PARN: variants seen among roughly 807,000 people sequenced by gnomAD.
PARN encodes poly(A)-specific ribonuclease.
In PARN, 71 loss-of-function variants were observed where a neutral mutation model predicts 102.8. That is an observed-to-expected ratio of 0.69 (90% CI 0.57 to 0.84). The LOEUF is 0.84. Ranked by LOEUF, PARN falls within the 40% of genes least tolerant of loss-of-function variation. The pLI is 0.00. For synonymous variants in PARN, 261 were observed against 252.9 expected, an observed-to-expected ratio of 1.03 and a Z score of -0.30; for missense variants, 782 against 760.9, an observed-to-expected ratio of 1.03 and a Z score of -0.33.
chr16:14,469,473 A>G (rs766986816), intron 22 of PARN, among the ~76,000 whole-genome samples: 1 of 152,242 alleles, frequency 6.6e-6, no homozygotes, highest in Non-Finnish European at 1.5e-5. Flanking sequence ...CAGCAAGCTG[A>G]ATGAAATGAA....
chr16:14,517,622 T>C (rs560469878), intron 21 of PARN, among the ~76,000 whole-genome samples: 2 of 152,368 alleles, frequency 1.3e-5, no homozygotes, highest in East Asian at 3.9e-4. Flanking sequence ...TATGCTTATA[T>C]GCTAAAAAAC....
chr16:14,528,578 C>T (rs542901793), intron 21 of PARN, among the ~76,000 whole-genome samples: 2 of 152,196 alleles, frequency 1.3e-5, no homozygotes, highest in Non-Finnish European at 2.9e-5. Flanking sequence ...ACAAACTTGA[C>T]TCTGTGATAT....
chr16:14,530,109 C>T lies in PARN; in HGVS notation c.1480+21912G>A, dbSNP rs193296917. On this transcript the variant is annotated intron_variant, in intron 21 of 23. Coordinates refer to ENST00000437198, the MANE Select transcript of PARN (RefSeq NM_002582.4). ...CTCATCAGGTAAGCTATTCATCCTG[C>T]TCCCTCAAGGAGAGCCAAGCAAGGT... Among the ~76,000 whole-genome samples, 3 of 152,308 alleles carry T rather than the reference C, an allele frequency of 2.0e-5. No homozygotes were observed. The East Asian group carries it at 5.8e-4, about 29-fold the overall frequency.
chr16:14,480,005 G>T (rs534595840), intron 22 of PARN, among the ~76,000 whole-genome samples: 1 of 151,510 alleles, frequency 6.6e-6, no homozygotes, highest in Non-Finnish European at 1.5e-5. Context: ...AACAATAAAC[G>T]GGAAAAAACT....
intron 21 of PARN, among the ~76,000 whole-genome samples, chr16:14,548,978 G>C (rs924101380): frequency 1.3e-5 from 2 of 148,228 alleles, no homozygotes; most frequent in Non-Finnish European, 3.0e-5. Flanking sequence ...GAGGGAAGAA[G>C]AGGGGAAGGG....
At chr16:14,577,969 T>C (rs1969251344) in intron 18 of PARN, among the ~76,000 whole-genome samples, 2 of 151,770 alleles carry the variant, frequency 1.3e-5, no homozygotes, top group African/African-American at 2.4e-5. Flanking sequence ...CATCTGGCCA[T>C]AAAACCCACT....
In PARN at chr16:14,447,292, A is replaced by G. The variant is rs537816645; in HGVS notation, c.1671-211T>C. ...ACAAGCTTATTCAGAAAAAAGTCCT[A>G]AATTATGCTTGTAAATAGATATACA... On this transcript the variant is annotated intron_variant, in intron 22 of 23. Transcript: ENST00000437198. 3.9e-5 allele frequency among the ~76,000 whole-genome samples: 6 copies of G among 152,346 alleles called. No homozygotes were observed. The South Asian group carries it at 1.2e-3, about 32-fold the overall frequency.
chr16:14,572,689 T>G (rs1968882486), intron 18 of PARN, among the ~76,000 whole-genome samples: 1 of 152,146 alleles, frequency 6.6e-6, no homozygotes, highest in South Asian at 2.1e-4. Flanking sequence ...TGTGACACAA[T>G]CATCATCTGA....
At chr16:14,458,391 G>A (rs1961787407) in intron 22 of PARN, among the ~76,000 whole-genome samples, 1 of 152,018 alleles carries the variant, frequency 6.6e-6, no homozygotes, top group Admixed American at 6.6e-5. Context: ...AAACCAAAAG[G>A]CCAACTATTT....
chr16:14,439,189 C>T (rs1234784232), intron 23 of PARN, among the ~76,000 whole-genome samples: 2 of 151,874 alleles, frequency 1.3e-5, no homozygotes, highest in African/African-American at 4.8e-5. Flanking sequence ...CTGGGCAACA[C>T]AGGGAGACCC....
At chr16:14,619,177 T>G (rs1361187323) in intron 5 of PARN, among the ~76,000 whole-genome samples, 1 of 152,164 alleles carries the variant, frequency 6.6e-6, no homozygotes, top group Non-Finnish European at 1.5e-5. Context: ...CACTCCAGCC[T>G]GAGTGACAAA....
At chr16:14,617,715 GA>G in intron 5 of PARN, 65 bp from the exon 6 acceptor site, 1 of 931,666 alleles carries the variant, frequency 1.1e-6, no homozygotes, top group Non-Finnish European at 1.8e-6. Context: ...AAGAGATGCA[GA>G]GAAGTAACTC....
In PARN at chr16:14,447,093, A is replaced by T; in HGVS notation, c.1671-12T>A. On this transcript the variant is annotated splice_polypyrimidine_tract_variant and intron_variant, in intron 22 of 23. Coordinates refer to ENST00000437198, the MANE Select transcript of PARN (RefSeq NM_002582.4). ...TGGGAGCTGTAAAACTGAAATGCAAAAAGTGGAACAACATAAAAGGTGCTG... is the reference window on the plus strand; with the variant it reads ...TGGGAGCTGTAAAACTGAAATGCAATAAGTGGAACAACATAAAAGGTGCTG... 4 of 1,599,746 alleles carry T rather than the reference A, an allele frequency of 2.5e-6. No individual in the cohort carries two copies. Among genetic ancestry groups the T allele is most frequent in the Non-Finnish European group, 3.4e-6 (4 of 1,169,360 alleles).
At chr16:14,488,743 C>G (rs1963883307) in intron 21 of PARN, among the ~76,000 whole-genome samples, 1 of 152,122 alleles carries the variant, frequency 6.6e-6, no homozygotes, top group East Asian at 1.9e-4. Context: ...TGTGGAGCAA[C>G]AGGATCCCCA....
At chr16:14,494,117 G>C (rs902068275) in intron 21 of PARN, among the ~76,000 whole-genome samples, 2 of 152,172 alleles carry the variant, frequency 1.3e-5, no homozygotes, top group African/African-American at 2.4e-5. Context: ...ATACCCACAC[G>C]TTCTGCAGGA....
intron 21 of PARN, among the ~76,000 whole-genome samples, chr16:14,505,450 T>G (rs1396606802): frequency 1.3e-5 from 2 of 151,948 alleles, no homozygotes; most frequent in Admixed American, 1.3e-4. Flanking sequence ...CTGTGAATAC[T>G]GGGTAACAAA....
intron 18 of PARN, among the ~76,000 whole-genome samples, chr16:14,561,560 C>G (rs1968063531): frequency 6.6e-6 from 1 of 152,082 alleles, no homozygotes; most frequent in African/African-American, 2.4e-5. Flanking sequence ...CCTGTTAATC[C>G]CACTGCTTCG....
At chr16:14,626,680 C>T (rs957003110) in intron 5 of PARN, among the ~76,000 whole-genome samples, 1 of 150,970 alleles carries the variant, frequency 6.6e-6, no homozygotes, top group Admixed American at 6.6e-5. Context: ...GGCGTGATCT[C>T]GGCTCACTGC....
At chr16:14,474,658 G>A (rs1311360203) in intron 22 of PARN, among the ~76,000 whole-genome samples, 1 of 152,194 alleles carries the variant, frequency 6.6e-6, no homozygotes, top group Non-Finnish European at 1.5e-5. Flanking sequence ...TTACTGAAGG[G>A]AAGAGAGAAT....
Sources: gnomAD v4.1 joint callset for allele counts (sites outside exome capture counted in the v4.1 genomes callset) on GRCh38, gnomAD v4.1.1 for gene constraint, MANE v1.5 for transcripts, NCBI Gene and HGNC (gene_info 2026-07-23, HGNC 2026-07-21) for gene names.